Variants in KLHL2 observed in about 807,000 individuals in gnomAD.
KLHL2 encodes the protein kelch like family member 2, also known as kelch-like protein 2.
KLHL2 carries 15 observed loss-of-function variants against 75.8 expected under a neutral mutation model. The observed-to-expected ratio is 0.20, with a 90% confidence interval of 0.13 to 0.30. The LOEUF (loss-of-function observed/expected upper bound fraction) is 0.30. Among genes scored for constraint, KLHL2 ranks in the 10% least tolerant of loss-of-function variants. KLHL2 has a pLI of 1.00. For missense variants in KLHL2, 381 were observed against 741.0 expected, an observed-to-expected ratio of 0.51 and a Z score of 5.64; for synonymous variants, 214 against 251.9, an observed-to-expected ratio of 0.85 and a Z score of 1.42.
At chr4:165,217,108 T>C (rs931192586) in intron 1 of KLHL2, among the ~76,000 whole-genome samples, 4 of 152,134 alleles carry the variant, frequency 2.6e-5, no homozygotes, top group Non-Finnish European at 5.9e-5. Flanking sequence ...CTTTCAAGCA[T>C]TGAAAATTCT....
chr4:165,315,100 A>C (rs1746494888), intron 13 of KLHL2, among the ~76,000 whole-genome samples: 1 of 152,164 alleles, frequency 6.6e-6, no homozygotes, highest in African/African-American at 2.4e-5. Context: ...GTTAGATGGT[A>C]AGACCCTCAA....
chr4:165,246,670 T>A (rs2111143162), intron 4 of KLHL2, among the ~76,000 whole-genome samples: 1 of 152,288 alleles, frequency 6.6e-6, no homozygotes, highest in East Asian at 1.9e-4. Context: ...CTGGGTGGAT[T>A]ATAGTGCTGT....
chr4:165,247,143 A>G (rs558150631), intron 4 of KLHL2, among the ~76,000 whole-genome samples: 6 of 152,300 alleles, frequency 3.9e-5, no homozygotes, highest in African/African-American at 1.4e-4. Context: ...TGCCTGAGAC[A>G]GTCCTATTTT....
intron 5 of KLHL2, among the ~76,000 whole-genome samples, chr4:165,272,480 T>A (rs1253655130): frequency 6.6e-6 from 1 of 152,238 alleles, no homozygotes; most frequent in African/African-American, 2.4e-5. Context: ...AGCTTTTGTA[T>A]TTTTAGATAT....
chr4:165,301,447 G>A (rs1014404241), intron 8 of KLHL2, among the ~76,000 whole-genome samples: 3 of 152,178 alleles, frequency 2.0e-5, no homozygotes, highest in South Asian at 2.1e-4. Context: ...AGAAATAATT[G>A]TAAGTGGCTC....
chr4:165,254,469 G>T (rs1191634865), intron 4 of KLHL2, among the ~76,000 whole-genome samples: 1 of 152,066 alleles, frequency 6.6e-6, no homozygotes, highest in East Asian at 1.9e-4. Context: ...TAGATTTTCA[G>T]AAACATAATT....
intron 5 of KLHL2, among the ~76,000 whole-genome samples, chr4:165,274,470 G>A (rs897115995): frequency 3.3e-5 from 5 of 152,146 alleles, no homozygotes; most frequent in East Asian, 1.9e-4. Context: ...TTAGCCAGGC[G>A]TGGTTGCAGG....
chr4:165,306,641 A>G (rs532371062), intron 9 of KLHL2, among the ~76,000 whole-genome samples: 3 of 152,320 alleles, frequency 2.0e-5, no homozygotes, highest in East Asian at 1.9e-4. Context: ...AGCTTTGCCA[A>G]TCTGGTGGGT....
intron 4 of KLHL2, among the ~76,000 whole-genome samples, chr4:165,240,151 A>G (rs995820041): frequency 1.1e-4 from 17 of 152,234 alleles, no homozygotes; most frequent in Non-Finnish European, 2.2e-4. Flanking sequence ...CCAAATTGCC[A>G]TCTGAAAATG....
intron 3 of KLHL2, among the ~76,000 whole-genome samples, chr4:165,229,442 C>T (rs577206005): frequency 5.3e-5 from 8 of 152,312 alleles, no homozygotes; most frequent in African/African-American, 1.9e-4. Flanking sequence ...CCCTTACTCT[C>T]ATTCTTTTTT....
intron 12 of KLHL2, 27 bp from the exon 13 acceptor site, chr4:165,313,999 C>T: frequency 6.3e-7 from 1 of 1,592,024 alleles, no homozygotes. Flanking sequence ...CTTTTTGCCC[C>T]TCTATTTGGC....
intron 4 of KLHL2, among the ~76,000 whole-genome samples, chr4:165,243,262 C>T (rs1241265611): frequency 1.3e-5 from 2 of 152,168 alleles, no homozygotes; most frequent in African/African-American, 4.8e-5. Flanking sequence ...TTGACTTCTC[C>T]GCCTTTGGGT....
rs569143718 is a variant in KLHL2 at position 165,250,533 on chromosome 4, A to C, written c.381+11634A>C. Among the ~76,000 whole-genome samples, 24 of 152,354 alleles carry C rather than the reference A, an allele frequency of 1.6e-4. No individual in the cohort carries two copies. The South Asian group carries it at 1.7e-3, about 11-fold the overall frequency. ...ATTATAGTATTAAAATTCAGAGCTCAAATCTTGAATTTATTACTGACTTCA... is the reference window on the plus strand; with the variant it reads ...ATTATAGTATTAAAATTCAGAGCTCCAATCTTGAATTTATTACTGACTTCA... On this transcript the variant is annotated intron_variant, in intron 4 of 14. Transcript: ENST00000226725.
In KLHL2 at chr4:165,233,454, T is replaced by C. The variant is rs558036904; in HGVS notation, c.259+4541T>C. ...ACTAAATTTTTATTTTTAGCCTTTT[T>C]TTTGGTGTGCTTTTTGATTTCTTTT... is the stretch of plus-strand genomic sequence containing the variant. On this transcript the variant is annotated intron_variant, in intron 3 of 14. Transcript: ENST00000226725. Among the ~76,000 whole-genome samples, 4 of 152,236 alleles carry C rather than the reference T, an allele frequency of 2.6e-5. No individual in the cohort carries two copies. In the East Asian group the frequency reaches 7.7e-4, roughly 29 times the overall value.
intron 4 of KLHL2, among the ~76,000 whole-genome samples, chr4:165,261,231 A>G (rs2111224004): frequency 6.6e-6 from 1 of 152,392 alleles, no homozygotes; most frequent in Non-Finnish European, 1.5e-5. Context: ...TTTGAAAATT[A>G]TCAACAAATT....
chr4:165,279,786 G>T (rs1207023096), intron 5 of KLHL2: 2 of 731,670 alleles, frequency 2.7e-6, no homozygotes, highest in African/African-American at 1.7e-5. Context: ...TGGCTGGCTA[G>T]CAGGCTACTG....
chr4:165,266,399 C>G lies in KLHL2; in HGVS notation c.544+3040C>G, dbSNP rs183952422. On this transcript the variant is annotated intron_variant, in intron 5 of 14. Coordinates refer to ENST00000226725, the MANE Select transcript of KLHL2 (RefSeq NM_007246.4). ...TTTAGTCATGATGTCTTTGCCCATG[C>G]CTATGTCCTGAATGGTATTGCCTAG... 4.1e-4 allele frequency among the ~76,000 whole-genome samples: 62 copies of G among 152,292 alleles called. 1 individual carries two copies. The highest frequency in any genetic ancestry group is 1.4e-3 in the Admixed American group (22 of 15,310).
At chr4:165,300,007 C>T (rs912272600) in intron 8 of KLHL2, among the ~76,000 whole-genome samples, 1 of 152,034 alleles carries the variant, frequency 6.6e-6, no homozygotes, top group Non-Finnish European at 1.5e-5. Context: ...TCTCTGTAGG[C>T]CTGGGGTGCT....
At chr4:165,218,523 TTC>T (rs1737720705) in intron 1 of KLHL2, among the ~76,000 whole-genome samples, 2 of 152,046 alleles carry the variant, frequency 1.3e-5, no homozygotes, top group African/African-American at 4.8e-5. Context: ...GTCCCCACAT[TTC>T]TCTCTCTCTT....
Sources: allele counts gnomAD v4.1 joint callset (sites outside exome capture counted in the v4.1 genomes callset), GRCh38; gene constraint gnomAD v4.1.1; transcripts MANE v1.5; gene names NCBI Gene and HGNC (gene_info 2026-07-23, HGNC 2026-07-21).